The following AFF3 variants were observed in gnomAD, a reference collection of about 807,000 sequenced individuals.
AFF3 encodes the protein ALF transcription elongation factor 3.
A neutral mutation model predicts 129.7 loss-of-function variants in AFF3; 32 were observed. The ratio of observed to expected loss-of-function variants is 0.25; its 90% CI spans 0.19 to 0.33. AFF3 has a LOEUF of 0.33. AFF3 is among the 10% of genes least tolerant of loss of function. The pLI is 1.00. For missense variants in AFF3, 1,373 were observed against 1,592.0 expected (o/e 0.86, Z 2.34); for synonymous variants, 644 against 635.4 (o/e 1.01, Z -0.20).
chr2:99,922,722 C>T (rs965100228), intron 7 of AFF3, among the ~76,000 whole-genome samples: 3 of 152,044 alleles, frequency 2.0e-5, no homozygotes, highest in African/African-American at 4.8e-5. Context: ...AAAGTAATAC[C>T]GTTTTCAAGA....
intron 4 of AFF3, among the ~76,000 whole-genome samples, chr2:100,058,508 C>A (rs1168439092): frequency 1.3e-5 from 2 of 152,162 alleles, no homozygotes; most frequent in Admixed American, 1.3e-4. Flanking sequence ...GATGAAACAG[C>A]CACATAGGTG....
chr2:99,695,290 C>T (rs980160977), intron 11 of AFF3, among the ~76,000 whole-genome samples: 3 of 152,168 alleles, frequency 2.0e-5, no homozygotes, highest in Admixed American at 6.5e-5. Flanking sequence ...GCCAGTCCTT[C>T]GTATCTTGGG....
At chr2:99,677,963 C>T (rs973051749) in intron 11 of AFF3, among the ~76,000 whole-genome samples, 4 of 152,148 alleles carry the variant, frequency 2.6e-5, no homozygotes, top group East Asian at 1.9e-4. Flanking sequence ...GGACTACAGA[C>T]GCCGGCTACC....
intron 4 of AFF3, among the ~76,000 whole-genome samples, chr2:100,019,424 T>C (rs1256182820): frequency 1.3e-5 from 2 of 152,086 alleles, no homozygotes; most frequent in Non-Finnish European, 2.9e-5. Context: ...TAAAAGGAGA[T>C]GTATGGCCCC....
intron 7 of AFF3, among the ~76,000 whole-genome samples, chr2:99,853,544 C>T (rs1006590337): frequency 2.0e-5 from 3 of 152,178 alleles, no homozygotes; most frequent in Non-Finnish European, 2.9e-5. Context: ...CTAATCTCAT[C>T]GAGTATCGTA....
At chr2:99,883,618 C>T (rs1233870773) in intron 7 of AFF3, among the ~76,000 whole-genome samples, 3 of 152,156 alleles carry the variant, frequency 2.0e-5, no homozygotes, top group African/African-American at 7.2e-5. Context: ...TTTTGGCAAG[C>T]CATGATTTCA....
intron 10 of AFF3, among the ~76,000 whole-genome samples, chr2:99,734,621 G>C (rs11690403): frequency 0.74 from 111,740 of 151,722 alleles, 41,924 homozygotes; most frequent in East Asian, 0.92. Context: ...TTAATTTATT[G>C]AAACAATCCT....
chr2:99,727,000 C>T (rs1423349144), intron 11 of AFF3, 77 bp downstream of exon 11: 22 of 1,246,528 alleles, frequency 1.8e-5, no homozygotes, highest in Non-Finnish European at 2.5e-5. Context: ...ATTACTATTA[C>T]AAGATACTTG....
intron 7 of AFF3, among the ~76,000 whole-genome samples, chr2:99,897,361 CT>C (rs1379639791): frequency 5.3e-5 from 8 of 152,130 alleles, no homozygotes; most frequent in Non-Finnish European, 8.8e-5. Context: ...TTCTCTCCCC[CT>C]AAAACATCAT....
chr2:99,596,350 G>A (rs946071805), intron 14 of AFF3, among the ~76,000 whole-genome samples: 1 of 152,320 alleles, frequency 6.6e-6, no homozygotes, highest in South Asian at 2.1e-4. Flanking sequence ...TCTCGGCCAA[G>A]GGGGATCCCT....
chr2:99,927,415 G>A (rs1696333345), intron 7 of AFF3, among the ~76,000 whole-genome samples: 1 of 152,094 alleles, frequency 6.6e-6, no homozygotes, highest in Non-Finnish European at 1.5e-5. Flanking sequence ...GAATGAGATC[G>A]TGCCCTGTGC....
At chr2:99,795,673 C>T (rs980229852) in intron 8 of AFF3, among the ~76,000 whole-genome samples, 1 of 151,898 alleles carries the variant, frequency 6.6e-6, no homozygotes, top group Admixed American at 6.6e-5. Context: ...TCATTTCCCT[C>T]CCACCTTCAT....
intron 8 of AFF3, among the ~76,000 whole-genome samples, chr2:99,817,705 A>T (rs1160018276): frequency 1.3e-5 from 2 of 152,164 alleles, no homozygotes; most frequent in Non-Finnish European, 2.9e-5. Context: ...TTTTATCAGC[A>T]CTTTACCAAG....
At chr2:100,078,944 C>CTTT (rs35031023) in intron 4 of AFF3, among the ~76,000 whole-genome samples, 11 of 131,198 alleles carry the variant, frequency 8.4e-5, no homozygotes, top group South Asian at 2.5e-4. Flanking sequence ...TGAATATTTT[C>CTTT]TTTTTTTTTT....
intron 2 of AFF3, among the ~76,000 whole-genome samples, chr2:100,121,979 G>A (rs1261485641): frequency 3.9e-5 from 6 of 152,206 alleles, no homozygotes; most frequent in East Asian, 3.9e-4. Context: ...GGAGAATGGC[G>A]TGAACCCGGG....
At chr2:99,851,299 G>T (rs1690126361) in intron 7 of AFF3, among the ~76,000 whole-genome samples, 1 of 152,198 alleles carries the variant, frequency 6.6e-6, no homozygotes, top group Non-Finnish European at 1.5e-5. Flanking sequence ...ACTTTGCTGG[G>T]CTTGACTCAT....
intron 4 of AFF3, among the ~76,000 whole-genome samples, chr2:100,033,071 T>C (rs1175056751): frequency 6.6e-6 from 1 of 152,202 alleles, no homozygotes; most frequent in Non-Finnish European, 1.5e-5. Context: ...TGTACACAAC[T>C]GTTGGAAACT....
chr2:99,789,446 C>G (rs1322623912), intron 8 of AFF3, among the ~76,000 whole-genome samples: 5 of 62,060 alleles, frequency 8.1e-5, no homozygotes, highest in Non-Finnish European at 1.1e-4. Context: ...GCCCTGTCAC[C>G]AAAAAAAAAA....
chr2:99,734,562 C>T lies in AFF3; in HGVS notation c.1040-7434G>A, dbSNP rs183155065. On this transcript the variant is annotated intron_variant, in intron 10 of 24. Transcript: ENST00000672756. ...GAAGTGGGCTTCTATTCCTGATTTG[C>T]TATTTTTCCTTTAAATCATGTATAG... Among the ~76,000 whole-genome samples the T allele has an allele frequency of 2.0e-4, 30 of 152,086 alleles. 1 individual carries two copies. Among genetic ancestry groups the T allele is most frequent in the South Asian group, 1.7e-3 (8 of 4,816 alleles).
Sources: allele counts gnomAD v4.1 joint callset (sites outside exome capture counted in the v4.1 genomes callset), GRCh38; gene constraint gnomAD v4.1.1; transcripts MANE v1.5; gene names NCBI Gene and HGNC (gene_info 2026-07-23, HGNC 2026-07-21).